DPP10: variants seen among roughly 807,000 people sequenced by gnomAD.
DPP10 encodes the protein dipeptidyl peptidase like 10.
Under a neutral mutation model 120.9 loss-of-function variants are expected in DPP10, and 33 were observed. That is an observed-to-expected ratio of 0.27 (90% confidence interval 0.21 to 0.37). The LOEUF is 0.37. Among genes scored for constraint, DPP10 ranks in the 10% least tolerant of loss-of-function variants. DPP10 has a pLI of 1.00. For synonymous variants in DPP10, 337 were observed against 326.1 expected, an observed-to-expected ratio of 1.03 and a Z score of -0.36; for missense variants, 816 against 942.8, an observed-to-expected ratio of 0.87 and a Z score of 1.76.
chr2:115,659,501 C>T (rs1309916315), intron 5 of DPP10, among the ~76,000 whole-genome samples: 1 of 151,984 alleles, frequency 6.6e-6, no homozygotes, highest in South Asian at 2.1e-4. Flanking sequence ...ACAATTCAAC[C>T]GAGTCTCTAA....
intron 8 of DPP10, among the ~76,000 whole-genome samples, chr2:115,733,640 C>T (rs900614822): frequency 2.7e-5 from 4 of 150,700 alleles, no homozygotes; most frequent in Non-Finnish European, 4.4e-5. Flanking sequence ...AAGTAGCATC[C>T]TCAGGAAATC....
chr2:114,871,309 A>C (rs1393905011), intron 1 of DPP10, among the ~76,000 whole-genome samples: 1 of 152,326 alleles, frequency 6.6e-6, no homozygotes, highest in South Asian at 2.1e-4. Flanking sequence ...AAGAAAATCA[A>C]GAATTTTTTA....
rs571832284 is a variant in DPP10, at chr2:114,479,724, T to G, written c.60+36886T>G. ...TATACAAAAGTTAATTCAAGATGGT[T>G]AAAGACTTAAATGTTAGACCCAAAA... On this transcript the variant is annotated intron_variant, in intron 1 of 25. Transcript: ENST00000410059. Among the ~76,000 whole-genome samples the G allele has an allele frequency of 7.2e-5, 11 of 152,298 alleles. 1 individual carries two copies. Among genetic ancestry groups the G allele is most frequent in the Admixed American group, 7.2e-4 (11 of 15,292 alleles).
intron 5 of DPP10, among the ~76,000 whole-genome samples, chr2:115,599,830 A>G (rs764759764): frequency 6.7e-6 from 1 of 149,154 alleles, no homozygotes; most frequent in African/African-American, 2.5e-5. Context: ...TGTCACACAT[A>G]TAGTGCATTG....
intron 1 of DPP10, among the ~76,000 whole-genome samples, chr2:115,205,791 A>G (rs1002626134): frequency 2.6e-5 from 4 of 152,192 alleles, no homozygotes; most frequent in African/African-American, 7.2e-5. Flanking sequence ...AAAATCAAAT[A>G]CTGCGTGTTC....
In DPP10 at chr2:115,136,293, G is replaced by T. The variant is rs574136246; in HGVS notation, c.61-172946G>T. Among the ~76,000 whole-genome samples the T allele has an allele frequency of 2.0e-5, 3 of 152,214 alleles. No homozygotes were observed. In the East Asian group the frequency reaches 5.8e-4, roughly 29 times the overall value. On this transcript the variant is annotated intron_variant, in intron 1 of 25. Coordinates refer to ENST00000410059, the MANE Select transcript of DPP10 (RefSeq NM_020868.6). ...TCTCCATTACAGAAAATGTGTTTAG[G>T]TCTATGAATGGAAGAGCGCACCTGT... is the stretch of plus-strand genomic sequence containing the variant.
intron 1 of DPP10, among the ~76,000 whole-genome samples, chr2:114,944,193 T>G (rs4849361): frequency 6.6e-6 from 1 of 152,140 alleles, no homozygotes; most frequent in Non-Finnish European, 1.5e-5. Flanking sequence ...ACATTTAAAG[T>G]AGATATTTCC....
intron 19 of DPP10, among the ~76,000 whole-genome samples, chr2:115,813,577 T>C (rs1686895156): frequency 6.6e-6 from 1 of 152,230 alleles, no homozygotes; most frequent in South Asian, 2.1e-4. Flanking sequence ...CATATAAATT[T>C]TGGAGAACAT....
intron 1 of DPP10, among the ~76,000 whole-genome samples, chr2:115,290,568 C>A (rs1393317885): frequency 1.3e-5 from 2 of 152,048 alleles, no homozygotes; most frequent in Non-Finnish European, 2.9e-5. Context: ...CTACCTGAGA[C>A]AAGGTGAGAA....
At chr2:115,567,267 AG>A (rs2081060439) in intron 5 of DPP10, among the ~76,000 whole-genome samples, 6 of 152,288 alleles carry the variant, frequency 3.9e-5, no homozygotes, top group Admixed American at 3.3e-4. Context: ...TGTATAATAA[AG>A]GAATTGTCAC....
chr2:115,170,513 A>G (rs1196641853), intron 1 of DPP10, among the ~76,000 whole-genome samples: 12 of 152,208 alleles, frequency 7.9e-5, no homozygotes, highest in African/African-American at 2.9e-4. Flanking sequence ...TAAATTTCCT[A>G]GGATCTATGA....
At chr2:114,471,123 G>A (rs1679870852) in intron 1 of DPP10, among the ~76,000 whole-genome samples, 1 of 152,078 alleles carries the variant, frequency 6.6e-6, no homozygotes, top group South Asian at 2.1e-4. Context: ...GTTCTTTTTA[G>A]TACATACCAC....
intron 1 of DPP10, among the ~76,000 whole-genome samples, chr2:115,252,956 C>T (rs2058817585): frequency 6.6e-6 from 1 of 152,200 alleles, no homozygotes; most frequent in Non-Finnish European, 1.5e-5. Flanking sequence ...TATACAGAAT[C>T]TCAGTGTATT....
chr2:115,472,479 T>A (rs2074794466), intron 3 of DPP10, among the ~76,000 whole-genome samples: 1 of 149,782 alleles, frequency 6.7e-6, no homozygotes, highest in Non-Finnish European at 1.5e-5. Flanking sequence ...AAAAATGAGA[T>A]TTTTTTTATT....
intron 1 of DPP10, among the ~76,000 whole-genome samples, chr2:114,891,824 C>A (rs927884113): frequency 6.6e-6 from 1 of 152,132 alleles, no homozygotes; most frequent in East Asian, 1.9e-4. Context: ...GTCAAAATTA[C>A]AATTTAGACA....
At chr2:114,964,308 A>T (rs1324838679) in intron 1 of DPP10, among the ~76,000 whole-genome samples, 1 of 152,128 alleles carries the variant, frequency 6.6e-6, no homozygotes, top group East Asian at 1.9e-4. Context: ...TGTACCAGAC[A>T]TTCAATGCCC....
intron 1 of DPP10, among the ~76,000 whole-genome samples, chr2:115,028,716 T>A: frequency 6.6e-6 from 1 of 152,144 alleles, no homozygotes; most frequent in South Asian, 2.1e-4. Context: ...TTACTAATGT[T>A]TACTTTGTAC....
intron 1 of DPP10, among the ~76,000 whole-genome samples, chr2:115,238,246 A>G (rs780057116): frequency 6.6e-6 from 1 of 152,196 alleles, no homozygotes; most frequent in Non-Finnish European, 1.5e-5. Flanking sequence ...CTACAAATGG[A>G]ACAACAAACC....
intron 3 of DPP10, among the ~76,000 whole-genome samples, chr2:115,474,893 C>T (rs2074974989): frequency 6.6e-6 from 1 of 152,164 alleles, no homozygotes; most frequent in Non-Finnish European, 1.5e-5. Flanking sequence ...GGCTCAGAGG[C>T]CTAGGAGGAC....
Sources: allele counts gnomAD v4.1 joint callset (sites outside exome capture counted in the v4.1 genomes callset), GRCh38; gene constraint gnomAD v4.1.1; transcripts MANE v1.5; gene names NCBI Gene and HGNC (gene_info 2026-07-23, HGNC 2026-07-21).